EXT2: variants seen among roughly 807,000 people sequenced by gnomAD.
The protein encoded by EXT2 is exostosin-2.
A neutral mutation model predicts 81.6 loss-of-function variants in EXT2; 53 were observed. The observed-to-expected ratio is 0.65, with a 90% confidence interval of 0.52 to 0.82. The LOEUF (loss-of-function observed/expected upper bound fraction) is 0.82. EXT2 is among the 40% of genes least tolerant of loss of function. The pLI is 0.00. For synonymous variants in EXT2, 320 were observed against 340.0 expected (o/e 0.94, Z 0.65); for missense variants, 774 against 910.2 (o/e 0.85, Z 1.93).
intron 10 of EXT2, among the ~76,000 whole-genome samples, chr11:44,226,097 C>G (rs1955835599): frequency 6.6e-6 from 1 of 152,194 alleles, no homozygotes; most frequent in South Asian, 2.1e-4. Context: ...CCCAGTCTGT[C>G]TCTTTGCCAT....
intron 13 of EXT2, among the ~76,000 whole-genome samples, chr11:44,243,016 G>A (rs745649484): frequency 6.6e-5 from 10 of 152,210 alleles, no homozygotes; most frequent in Non-Finnish European, 1.2e-4. Context: ...AATGGTAGTT[G>A]TTGCTTTGTG....
chr11:44,126,992 T>C, intron 6 of EXT2, 37 bp downstream of exon 6: 1 of 1,612,706 alleles, frequency 6.2e-7, no homozygotes, highest in Non-Finnish European at 8.5e-7. Flanking sequence ...ACATTAGTGG[T>C]TCTGCGTATA....
chr11:44,109,585 C>T (rs1370152993), intron 3 of EXT2, among the ~76,000 whole-genome samples: 2 of 152,220 alleles, frequency 1.3e-5, no homozygotes, highest in South Asian at 2.1e-4. Context: ...TCTCTGAATT[C>T]GGGAGCATTT....
intron 6 of EXT2, among the ~76,000 whole-genome samples, chr11:44,129,293 G>A (rs1451341570): frequency 6.6e-6 from 1 of 152,172 alleles, no homozygotes; most frequent in Non-Finnish European, 1.5e-5. Flanking sequence ...ACCCTCTCAT[G>A]GCTTGCCATC....
chr11:44,124,992 T>C lies in EXT2; in HGVS notation c.939+8T>C. 6.2e-7 allele frequency: 1 copy of C among 1,611,790 alleles called. No individual in the cohort carries two copies. Among genetic ancestry groups the C allele is most frequent in the Non-Finnish European group, 8.5e-7 (1 of 1,179,740 alleles). Reference sequence around the variant, plus strand: ...TACCCACAGGTGCTACAGGTGAGTGTCATTCATTACCTCTCGCAAAGGCTC... The same window carrying C: ...TACCCACAGGTGCTACAGGTGAGTGCCATTCATTACCTCTCGCAAAGGCTC... On this transcript the variant is annotated splice_region_variant and intron_variant, in intron 5 of 13. Transcript: ENST00000533608.
intron 5 of EXT2, among the ~76,000 whole-genome samples, chr11:44,125,276 CA>C (rs1263709644): frequency 6.6e-6 from 1 of 152,184 alleles, no homozygotes; most frequent in African/African-American, 2.4e-5. Context: ...ATGGACAAAG[CA>C]GGCAAATGTA....
intron 8 of EXT2, among the ~76,000 whole-genome samples, chr11:44,186,741 G>C (rs1955316452): frequency 6.6e-6 from 1 of 152,082 alleles, no homozygotes; most frequent in Non-Finnish European, 1.5e-5. Context: ...CTTTTTTCTT[G>C]AGGATGATCT....
Position 44,248,166 on chromosome 11 carries a change from G to C in EXT2, c.*3879G>C, listed in dbSNP as rs547673311. On this transcript the variant is annotated 3_prime_UTR_variant, in exon 14 of 14. Coordinates refer to ENST00000533608, the MANE Select transcript of EXT2 (RefSeq NM_207122.2). ...TATGCTGCTTTTTCCATTTCTCTTGGCTCGGGTACTCTTCCATTGCAGCAA... is the reference window on the plus strand; with the variant it reads ...TATGCTGCTTTTTCCATTTCTCTTGCCTCGGGTACTCTTCCATTGCAGCAA... Among the ~76,000 whole-genome samples the C allele has an allele frequency of 3.3e-5, 5 of 152,138 alleles. No homozygotes were observed. The South Asian group carries it at 1.0e-3, about 32-fold the overall frequency.
intron 10 of EXT2, among the ~76,000 whole-genome samples, chr11:44,218,419 C>T (rs1363409929): frequency 6.6e-6 from 1 of 152,044 alleles, no homozygotes; most frequent in Non-Finnish European, 1.5e-5. Flanking sequence ...TAATAGAGGG[C>T]CAGCGGAGGT....
chr11:44,136,098 T>C (rs1354659025), intron 7 of EXT2, among the ~76,000 whole-genome samples: 1 of 152,240 alleles, frequency 6.6e-6, no homozygotes, highest in Non-Finnish European at 1.5e-5. Context: ...AAAAGTGTTA[T>C]TTGCTTAAAA....
At position 44,177,025 on chromosome 11, in the gene EXT2, A is replaced by C. The variant is rs76653141; in HGVS notation, c.1305+5283A>C. On this transcript the variant is annotated intron_variant, in intron 8 of 13. Coordinates refer to ENST00000533608, the MANE Select transcript of EXT2 (RefSeq NM_207122.2). ...TAGATGCTTTGTCACTCTTATCTGTAAAACTAGGGTGATGACATTATCCAC... is the reference window on the plus strand; with the variant it reads ...TAGATGCTTTGTCACTCTTATCTGTCAAACTAGGGTGATGACATTATCCAC... 5.1e-3 allele frequency among the ~76,000 whole-genome samples: 771 copies of C among 152,104 alleles called. 7 individuals carry two copies. The highest frequency in any genetic ancestry group is 0.017 in the African/African-American group (726 of 41,508).
At chr11:44,232,562 A>G (rs1955912505) in intron 11 of EXT2, 66 bp downstream of exon 11, 8 of 1,595,704 alleles carry the variant, frequency 5.0e-6, no homozygotes, top group Non-Finnish European at 6.8e-6. Context: ...ATTTGACCCA[A>G]TTTAATTTTT....
intron 7 of EXT2, among the ~76,000 whole-genome samples, chr11:44,132,382 A>G (rs919954075): frequency 6.6e-6 from 1 of 152,244 alleles, no homozygotes; most frequent in African/African-American, 2.4e-5. Flanking sequence ...CTGGTCATTT[A>G]AAACAGCGTA....
chr11:44,207,628 T>C lies in EXT2; in HGVS notation c.1662+669T>C, dbSNP rs1197674953. The stretch of plus-strand genomic sequence containing the variant: ...GGCCTGCGGCTGCGGGTAAAAGTGG[T>C]ATCAGACTTAAGCATGCAGAGTGTT... On this transcript the variant is annotated intron_variant, in intron 10 of 13. Transcript: ENST00000533608. Among the ~76,000 whole-genome samples the C allele has an allele frequency of 2.6e-5, 4 of 152,178 alleles. No individual in the cohort carries two copies. In the East Asian group the frequency reaches 7.7e-4, roughly 29 times the overall value.
chr11:44,124,963 C>T lies in EXT2; in HGVS notation c.918C>T (p.Phe306=), dbSNP rs35436405. The change falls in exon 5 of 14, where the codon TTC becomes TTT. Residue 306 remains phenylalanine (F), a synonymous_variant. Coordinates refer to ENST00000533608, the MANE Select transcript of EXT2 (RefSeq NM_207122.2). ...AGCGCTGCCACAAGCACCAGGTCTT[C>T]GATTACCCACAGGTGCTACAGGTGA... is the stretch of plus-strand genomic sequence containing the variant. The part of the protein sequence containing the change: ...VRKRCHKHQV[F]DYPQVLQEAT... 1.1e-3 allele frequency: 1,818 copies of T among 1,613,152 alleles called. 24 individuals carry two copies. In the African/African-American group the frequency reaches 0.02, roughly 17 times the overall value.
chr11:44,109,812 C>G lies in EXT2; in HGVS notation c.626+529C>G, dbSNP rs543729455. ...TTGCCTTTCGTTCCTTCCAGAAAAA[C>G]CTTCCAAATAGGCAGATGTGGTATG... On this transcript the variant is annotated intron_variant, in intron 3 of 13. Transcript: ENST00000533608. 2.0e-4 allele frequency among the ~76,000 whole-genome samples: 30 copies of G among 152,258 alleles called. No homozygotes were observed. In the South Asian group the frequency reaches 5.0e-3, roughly 25 times the overall value.
intron 7 of EXT2, 94 bp downstream of exon 7, chr11:44,130,232 G>GGTTT: frequency 1.1e-6 from 1 of 942,960 alleles, no homozygotes; most frequent in Non-Finnish European, 1.7e-6. Context: ...GCCTGAGTGG[G>GGTTT]GTTTACTTCC....
At chr11:44,153,903 A>G (rs748530219) in intron 7 of EXT2, among the ~76,000 whole-genome samples, 3 of 151,294 alleles carry the variant, frequency 2.0e-5, no homozygotes, top group African/African-American at 7.3e-5. Flanking sequence ...ACAATGTTGG[A>G]TTTGAATACT....
chr11:44,142,717 G>A (rs967590475), intron 7 of EXT2, among the ~76,000 whole-genome samples: 1 of 152,110 alleles, frequency 6.6e-6, no homozygotes, highest in Non-Finnish European at 1.5e-5. Flanking sequence ...CAGCAGTGTG[G>A]TATTCTGGCA....
Sources: allele counts gnomAD v4.1 joint callset (sites outside exome capture counted in the v4.1 genomes callset), GRCh38; gene constraint gnomAD v4.1.1; transcripts MANE v1.5; gene names NCBI Gene and HGNC (gene_info 2026-07-23, HGNC 2026-07-21).